The following IRAG2 variants were observed in gnomAD, a reference collection of about 807,000 sequenced individuals.
The protein encoded by IRAG2 is lymphoid restricted membrane protein.
IRAG2 carries 45 observed loss-of-function variants against 69.9 expected under a neutral mutation model. The observed-to-expected ratio is 0.64, with a 90% CI of 0.51 to 0.83. The LOEUF is 0.83. Among genes scored for constraint, IRAG2 ranks in the 40% least tolerant of loss-of-function variants. The pLI, the probability that IRAG2 is intolerant of heterozygous loss-of-function variation, is 0.00. For synonymous variants in IRAG2, 193 were observed against 202.4 expected (o/e 0.95, Z 0.40); for missense variants, 520 against 587.0 (o/e 0.89, Z 1.18).
At chr12:25,075,358 A>G (rs562002031) in intron 6 of IRAG2, among the ~76,000 whole-genome samples, 1 of 152,218 alleles carries the variant, frequency 6.6e-6, no homozygotes, top group Admixed American at 6.5e-5. Flanking sequence ...AATATTTATT[A>G]GTAGAAGGTT....
intron 1 of IRAG2, among the ~76,000 whole-genome samples, chr12:25,059,770 G>GT (rs762422473): frequency 1.8e-4 from 28 of 152,038 alleles, no homozygotes; most frequent in Non-Finnish European, 3.2e-4. Flanking sequence ...TGATTGAGAA[G>GT]TAAGTTATTT....
intron 14 of IRAG2, 59 bp from the exon 15 acceptor site, chr12:25,096,851 T>C (rs10771166): frequency 0.67 from 957,113 of 1,430,512 alleles, 329,245 homozygotes; most frequent in East Asian, 0.9. Flanking sequence ...TAGTCAGTGT[T>C]AGAATCACTC....
intron 14 of IRAG2, among the ~76,000 whole-genome samples, chr12:25,096,193 C>T (rs548183647): frequency 2.0e-5 from 3 of 152,308 alleles, no homozygotes; most frequent in Admixed American, 6.5e-5. Flanking sequence ...ATGCAATTTA[C>T]AGTCGGTGGT....
At chr12:25,058,591 T>A (rs1185908815) in intron 1 of IRAG2, among the ~76,000 whole-genome samples, 1 of 152,230 alleles carries the variant, frequency 6.6e-6, no homozygotes, top group African/African-American at 2.4e-5. Context: ...CCGTACTCTA[T>A]AAATGTCATC....
At chr12:25,094,233 A>G (rs1398657496) in intron 14 of IRAG2, among the ~76,000 whole-genome samples, 1 of 152,004 alleles carries the variant, frequency 6.6e-6, no homozygotes, top group Non-Finnish European at 1.5e-5. Flanking sequence ...ACTTTTAGGT[A>G]TTTAATCCAT....
At position 25,106,904 on chromosome 12, in the gene IRAG2, T is replaced by A. The variant is rs373153982; in HGVS notation, c.1149-39T>A. 4.2e-5 allele frequency: 40 copies of A among 942,332 alleles called. No individual in the cohort carries two copies. The African/African-American group carries it at 6.8e-4, about 16-fold the overall frequency. 58.4% of individuals were successfully genotyped at this position (942,332 alleles called of 1,614,324 possible). On this transcript the variant is annotated intron_variant, in intron 20 of 21. Coordinates refer to ENST00000556887, the MANE Select transcript of IRAG2 (RefSeq NM_001366544.2). ...TTTTATGAATAATTATAGCATATTATCCTTAGTTTCAAATATTAAAAACAA... is the reference window on the plus strand; with the variant it reads ...TTTTATGAATAATTATAGCATATTAACCTTAGTTTCAAATATTAAAAACAA...
At chr12:25,105,221 C>T (rs1162201877) in intron 20 of IRAG2, among the ~76,000 whole-genome samples, 5 of 151,858 alleles carry the variant, frequency 3.3e-5, no homozygotes, top group African/African-American at 4.8e-5. Flanking sequence ...GGACTACAGG[C>T]GCCCGCCACC....
At chr12:25,086,820 A>C (rs1947637417) in intron 10 of IRAG2, among the ~76,000 whole-genome samples, 1 of 152,166 alleles carries the variant, frequency 6.6e-6, no homozygotes. Context: ...TGGTGAGAAC[A>C]CTTTTCTTGG....
rs1161554894 is a variant in IRAG2, at chr12:25,096,946, C to A, written c.643C>A (p.Gln215Lys). The change falls in exon 15 of 22, where the codon CAG becomes AAG. Residue 215 changes from glutamine to lysine, a missense_variant. Gln to Lys is a moderately conservative substitution (Grantham distance 53, BLOSUM62 1). Transcript: ENST00000556887. ...TCTGTGTGAAGATGACAACCAGGCA[C>A]AGGAAATCATTAAGAAGCTGGAGAA... ...TPLCEDDNQA[Q>K]EIIKKLEKSI... The A allele has an allele frequency of 1.9e-6, 3 of 1,613,704 alleles. No homozygotes were observed. Among genetic ancestry groups the A allele is most frequent in the Non-Finnish European group, 2.5e-6 (3 of 1,179,732 alleles).
At chr12:25,010,468 AAAAC>A (rs542385227) in intron 2 of IRAG2, among the ~76,000 whole-genome samples, 1 of 93,106 alleles carries the variant, frequency 1.1e-5, no homozygotes, top group Non-Finnish European at 2.4e-5. Context: ...CCTGTGTCAA[AAAAC>A]AAACAAAAAA....
chr12:25,083,532 T>TCTTA (rs1267419769), intron 10 of IRAG2, 39 bp downstream of exon 10: 1 of 1,241,988 alleles, frequency 8.1e-7, no homozygotes, highest in Non-Finnish European at 1.2e-6. Flanking sequence ...GGTGGTGGTA[T>TCTTA]CTTACAATGG....
chr12:25,053,007 G>A (rs927907635), intron 1 of IRAG2, 51 bp downstream of exon 1: 3 of 398,136 alleles, frequency 7.5e-6, no homozygotes, highest in Admixed American at 4.4e-5. Flanking sequence ...CCCTCAGGCG[G>A]GGCATAGGAC....
chr12:25,105,592 C>G (rs962946806), intron 20 of IRAG2, among the ~76,000 whole-genome samples: 3 of 151,660 alleles, frequency 2.0e-5, no homozygotes, highest in Non-Finnish European at 4.4e-5. Context: ...GCATGTGTTA[C>G]AAACTCTTTT....
At chr12:25,087,153 CTTT>C (rs780510333) in intron 10 of IRAG2, among the ~76,000 whole-genome samples, 27 of 76,660 alleles carry the variant, frequency 3.5e-4, no homozygotes, top group South Asian at 2.4e-3. Context: ...ACTCTCCTTC[CTTT>C]TTTTTTTTTT....
intron 1 of IRAG2, among the ~76,000 whole-genome samples, chr12:25,053,470 CTCTACATACA>C (rs1230454953): frequency 1.3e-5 from 2 of 151,920 alleles, no homozygotes; most frequent in African/African-American, 4.8e-5. Context: ...TTAATGCATT[CTCTACATACA>C]TCTACATACA....
intron 17 of IRAG2, 158 bp from the exon 18 acceptor site, chr12:25,103,679 A>G: frequency 1.8e-6 from 1 of 558,950 alleles, no homozygotes; most frequent in Non-Finnish European, 3.1e-6. Context: ...ATATTTCTGG[A>G]AGACAATTTG....
chr12:25,028,217 G>A (rs11047770), intron 9 of IRAG2, among the ~76,000 whole-genome samples: 89 of 152,134 alleles, frequency 5.9e-4, no homozygotes, highest in Non-Finnish European at 9.4e-4. Flanking sequence ...GAACCACCAC[G>A]CCTGGCCTTG....
chr12:25,100,000 G>GAAAAAAAAAAAAAAAAAAAAAAAAAA (rs56728551), intron 15 of IRAG2, among the ~76,000 whole-genome samples: 4 of 25,674 alleles, frequency 1.6e-4, no homozygotes, highest in African/African-American at 5.7e-4. Flanking sequence ...GACTCCATCT[G>GAAAAAAAAAAAAAAAAAAAAAAAAAA]AAAAAAAAAA....
At chr12:25,077,690 C>T (rs1315390514) in intron 6 of IRAG2, among the ~76,000 whole-genome samples, 2 of 151,922 alleles carry the variant, frequency 1.3e-5, no homozygotes, top group Non-Finnish European at 2.9e-5. Context: ...ATCTTTAGCC[C>T]TTGTCCCTGT....
Sources: allele counts gnomAD v4.1 joint callset (sites outside exome capture counted in the v4.1 genomes callset), GRCh38; gene constraint gnomAD v4.1.1; transcripts MANE v1.5; gene names NCBI Gene and HGNC (gene_info 2026-07-23, HGNC 2026-07-21).